The following POF1B variants were observed in gnomAD, a reference collection of about 807,000 sequenced individuals.
POF1B encodes the protein POF1B actin binding protein.
Under a neutral mutation model 55.3 loss-of-function variants are expected in POF1B, and 53 were observed. The observed-to-expected ratio is 0.96, with a 90% confidence interval of 0.77 to 1.20. POF1B has a LOEUF of 1.20. POF1B is among the 50% of genes most tolerant of loss of function. The pLI is 0.00. For missense variants in POF1B, 478 were observed against 420.5 expected, an observed-to-expected ratio of 1.14 and a Z score of -1.20; for synonymous variants, 188 against 148.3, an observed-to-expected ratio of 1.27 and a Z score of -1.95.
chrX:85,379,300 A>C lies in POF1B; in HGVS notation c.155T>G (p.Val52Gly). Residue 52 changes from valine (V) to glycine (G), a missense_variant, in exon 2 of 17, where the codon GTG becomes GGG. Coordinates refer to ENST00000262753, the MANE Select transcript of POF1B (RefSeq NM_024921.4). ...PPEKNVVYER[V>G]RTYSGPMNKV... is the part of the protein sequence containing the mutation. Reference sequence around the variant, plus strand: ...GTTCATGGGCCCACTGTAGGTCCTCACTCGCTCATACACTACATTTTTTTC... The same window carrying C: ...GTTCATGGGCCCACTGTAGGTCCTCCCTCGCTCATACACTACATTTTTTTC... 8.3e-7 allele frequency: 1 copy of C among 1,209,827 alleles called. No individual in the cohort carries two copies. Among genetic ancestry groups the C allele is most frequent in the Non-Finnish European group, 1.1e-6 (1 of 895,114 alleles).
chrX:85,348,284 T>C (rs1200923642), intron 5 of POF1B, among the ~76,000 whole-genome samples: 1 of 111,209 alleles, frequency 9.0e-6, no homozygotes, highest in African/African-American at 3.3e-5. Flanking sequence ...CATATATTCA[T>C]CATATTTTTA....
At chrX:85,313,602 T>C (rs1295401183) in intron 9 of POF1B, among the ~76,000 whole-genome samples, 1 of 111,740 alleles carries the variant, frequency 8.9e-6, no homozygotes, top group African/African-American at 3.3e-5. Flanking sequence ...GATTTTTGCA[T>C]CGACGTTCAT....
At chrX:85,328,479 C>G (rs1265433817) in intron 7 of POF1B, among the ~76,000 whole-genome samples, 1 of 111,267 alleles carries the variant, frequency 9.0e-6, no homozygotes, top group Non-Finnish European at 1.9e-5. Context: ...GCTGGGATTA[C>G]AGGCGTGAGC....
intron 15 of POF1B, among the ~76,000 whole-genome samples, chrX:85,296,935 T>A (rs1219726413): frequency 1.2e-5 from 1 of 81,266 alleles, no homozygotes; most frequent in Non-Finnish European, 2.6e-5. Context: ...CACAATTTAA[T>A]TTTTTTTTTA....
intron 16 of POF1B, among the ~76,000 whole-genome samples, chrX:85,279,803 T>A (rs181248568): frequency 9.0e-6 from 1 of 111,197 alleles, no homozygotes; most frequent in Non-Finnish European, 1.9e-5. Flanking sequence ...CAATTTTGAT[T>A]TTTACTGCTG....
intron 15 of POF1B, among the ~76,000 whole-genome samples, chrX:85,288,400 A>C (rs1490031979): frequency 9.0e-6 from 1 of 111,419 alleles, no homozygotes; most frequent in Non-Finnish European, 1.9e-5. Context: ...TGGTCAGAGA[A>C]TCTACAATGA....
intron 3 of POF1B, among the ~76,000 whole-genome samples, chrX:85,361,149 C>T (rs1357900072): frequency 8.9e-6 from 1 of 111,817 alleles, no homozygotes; most frequent in Non-Finnish European, 1.9e-5. Flanking sequence ...GTGTAGTTGA[C>T]AAATATTTTA....
At chrX:85,351,636 C>T (rs1439100041) in intron 4 of POF1B, among the ~76,000 whole-genome samples, 185 bp from the exon 5 acceptor site, 6 of 110,574 alleles carry the variant, frequency 5.4e-5, no homozygotes, top group Admixed American at 4.8e-4. Context: ...TTCCCTTTAT[C>T]AAAAAGAACA....
At chrX:85,327,526 C>T (rs558216773) in intron 7 of POF1B, among the ~76,000 whole-genome samples, 41 of 111,758 alleles carry the variant, frequency 3.7e-4, no homozygotes, top group African/African-American at 1.1e-3. Context: ...TGAGTACATA[C>T]GTGCAATTGT....
chrX:85,334,135 C>T (rs956048310), intron 6 of POF1B, among the ~76,000 whole-genome samples: 5 of 110,856 alleles, frequency 4.5e-5, no homozygotes, highest in South Asian at 3.8e-4. Flanking sequence ...GGGTGTGTTT[C>T]GACATAGCTT....
At chrX:85,296,246 G>C (rs969533018) in intron 15 of POF1B, among the ~76,000 whole-genome samples, 1 of 111,586 alleles carries the variant, frequency 9.0e-6, no homozygotes, top group Non-Finnish European at 1.9e-5. Context: ...TTCAAGGTTA[G>C]TTAGTATCGA....
chrX:85,278,193 A>G lies in POF1B; in HGVS notation c.*1228T>C, dbSNP rs1931821089. The G allele has an allele frequency of 9.0e-6, 1 of 110,926 alleles. No individual in the cohort carries two copies. Among genetic ancestry groups the G allele is most frequent in the Non-Finnish European group, 1.9e-5 (1 of 52,530 alleles). 9.1% of individuals were successfully genotyped at this position (110,926 alleles called of 1,213,427 possible). On this transcript the variant is annotated 3_prime_UTR_variant, in exon 17 of 17. Transcript: ENST00000262753. ...TGGTTTGATTTAGTGTAGTGCCTCA[A>G]CTGTTCTTAATGGTGTCTTAGTATA...
chrX:85,340,345 A>G (rs1015357486), intron 6 of POF1B, among the ~76,000 whole-genome samples: 1 of 111,160 alleles, frequency 9.0e-6, no homozygotes, highest in African/African-American at 3.3e-5. Context: ...AAGGGCTTCT[A>G]GCAAGATCAT....
chrX:85,362,167 T>C (rs979757305), intron 3 of POF1B, among the ~76,000 whole-genome samples: 2 of 111,295 alleles, frequency 1.8e-5, no homozygotes, highest in Non-Finnish European at 3.8e-5. Context: ...AGTTTCTAGA[T>C]ATAGAATCAT....
At chrX:85,325,272 T>C (rs1373288242) in intron 7 of POF1B, among the ~76,000 whole-genome samples, 1 of 111,800 alleles carries the variant, frequency 8.9e-6, no homozygotes, top group Non-Finnish European at 1.9e-5. Flanking sequence ...GATCCTGAAA[T>C]ATGTTTTCCA....
intron 15 of POF1B, among the ~76,000 whole-genome samples, chrX:85,290,662 G>T (rs758146387): frequency 1.3e-4 from 14 of 111,700 alleles, no homozygotes; most frequent in African/African-American, 4.6e-4. Context: ...GTGTGAAATG[G>T]TTATCTCATT....
At position 85,303,075 on chromosome X, in the gene POF1B, A is replaced by G. The variant is rs149347949; in HGVS notation, c.1649+331T>C. 3.9e-3 allele frequency among the ~76,000 whole-genome samples: 438 copies of G among 111,570 alleles called. 5 individuals carry two copies. The highest frequency in any genetic ancestry group is 0.013 in the African/African-American group (410 of 30,818). On this transcript the variant is annotated intron_variant, in intron 15 of 16. Transcript: ENST00000262753. Reference sequence around the variant, plus strand: ...ATCCATCTGGATACCAAGTAACCCCATTTAAGTGAATTTAAAAAGTCCCAG... The same window carrying G: ...ATCCATCTGGATACCAAGTAACCCCGTTTAAGTGAATTTAAAAAGTCCCAG...
rs1459752115 is a variant in POF1B at position 85,282,604 on chromosome X, C to A, written c.1650-287G>T. Among the ~76,000 whole-genome samples, 25 of 110,939 alleles carry A rather than the reference C, an allele frequency of 2.3e-4. No individual in the cohort carries two copies. The Admixed American group carries it at 2.4e-3, about 11-fold the overall frequency. On this transcript the variant is annotated intron_variant, in intron 15 of 16. Coordinates refer to ENST00000262753, the MANE Select transcript of POF1B (RefSeq NM_024921.4). ...AAAAGGGAAGCAAATGATATGGGCC[C>A]TACAAGTGCCTAGCTCACTGCCTGG...
Position 85,308,188 on chromosome X carries a change from C to A in POF1B, c.986G>T (p.Arg329Leu). Residue 329 changes from arginine to leucine, a missense_variant, in exon 10 of 17, where the codon CGA becomes CTA. Physicochemically the swap from Arg to Leu is moderately radical, Grantham distance 102. Coordinates refer to ENST00000262753, the MANE Select transcript of POF1B (RefSeq NM_024921.4). ...QMRGMSDKSLRLVLSTFSNIR... is the reference protein window; with the variant it reads ...QMRGMSDKSLLLVLSTFSNIR... ...GTTGCTAAATGTGGACAGCACTAGT[C>A]GGAGTGACTTATCAGACATACCCCT... The A allele has an allele frequency of 6.8e-6, 8 of 1,180,483 alleles. No individual in the cohort carries two copies. The Middle Eastern group carries it at 7.1e-4, about 105-fold the overall frequency.
Sources: allele counts gnomAD v4.1 joint callset (sites outside exome capture counted in the v4.1 genomes callset), GRCh38; gene constraint gnomAD v4.1.1; transcripts MANE v1.5; gene names NCBI Gene and HGNC (gene_info 2026-07-23, HGNC 2026-07-21).